NTM: variants seen among roughly 807,000 people sequenced by gnomAD.
NTM encodes the protein neurotrimin.
In NTM, 13 loss-of-function variants were observed where a neutral mutation model predicts 42.1. The ratio of observed to expected loss-of-function variants is 0.31; its 90% confidence interval spans 0.20 to 0.49. NTM has a LOEUF of 0.49. Among genes scored for constraint, NTM ranks in the 20% least tolerant of loss-of-function variants. NTM has a pLI of 0.99. For synonymous variants in NTM, 187 were observed against 179.2 expected (o/e 1.04, Z -0.35); for missense variants, 373 against 452.8 (o/e 0.82, Z 1.60).
intron 2 of NTM, among the ~76,000 whole-genome samples, chr11:132,135,651 G>T (rs2067754268): frequency 6.6e-6 from 1 of 152,216 alleles, no homozygotes; most frequent in African/African-American, 2.4e-5. Flanking sequence ...CAAACCCTAG[G>T]CACTTGTGGC....
chr11:132,088,218 A>C (rs779132944), intron 2 of NTM, among the ~76,000 whole-genome samples: 19 of 152,214 alleles, frequency 1.2e-4, no homozygotes, highest in Non-Finnish European at 2.5e-4. Flanking sequence ...GATTGAGGCC[A>C]ACATTCCCGA....
intron 2 of NTM, among the ~76,000 whole-genome samples, chr11:132,066,429 A>G (rs1279171413): frequency 3.9e-5 from 6 of 152,138 alleles, no homozygotes; most frequent in Non-Finnish European, 7.4e-5. Flanking sequence ...TGACTTTCTC[A>G]TTTTAGTTTT....
intron 2 of NTM, among the ~76,000 whole-genome samples, chr11:132,117,047 C>T (rs1020576822): frequency 6.6e-6 from 1 of 152,124 alleles, no homozygotes; most frequent in Non-Finnish European, 1.5e-5. Context: ...TCTCATCAGC[C>T]CCCAAAGTCA....
chr11:132,289,766 T>C (rs559401487), intron 4 of NTM, among the ~76,000 whole-genome samples: 99 of 152,330 alleles, frequency 6.5e-4, no homozygotes, highest in East Asian at 5.8e-3. Flanking sequence ...GCTGCTACTA[T>C]CACCACTGCT....
At position 132,003,791 on chromosome 11, in the gene NTM, G is replaced by A. The variant is rs2070013095; in HGVS notation, c.167+92143G>A. On this transcript the variant is annotated intron_variant, in intron 2 of 8. Transcript: ENST00000683400. The surrounding 1 kb of genome is among the most constrained non-coding windows in gnomAD (Gnocchi z 6.0). ...GAAATCCCTGAGCTTTACTTTTTCTGGACCTGCCACTTACAGAACCAGCTT... is the reference window on the plus strand; with the variant it reads ...GAAATCCCTGAGCTTTACTTTTTCTAGACCTGCCACTTACAGAACCAGCTT... Among the ~76,000 whole-genome samples, 2 of 152,094 alleles carry A rather than the reference G, an allele frequency of 1.3e-5. No homozygotes were observed. The highest frequency in any genetic ancestry group is 4.8e-5 in the African/African-American group (2 of 41,422).
In NTM at chr11:132,160,126, C is replaced by T. The variant is rs145427989; in HGVS notation, c.400+13612C>T. Among the ~76,000 whole-genome samples the T allele has an allele frequency of 2.9e-3, 443 of 152,350 alleles. 1 individual carries two copies. The highest frequency in any genetic ancestry group is 9.8e-3 in the African/African-American group (406 of 41,588). On this transcript the variant is annotated intron_variant, in intron 3 of 8. Coordinates refer to ENST00000683400, the MANE Select transcript of NTM (RefSeq NM_001352005.2). ...GGCTTTGTTCCCTCACTGATACTCA[C>T]TGAGGCATGGCAGCCATTCCTTTGC...
At chr11:132,266,827 C>A (rs1190922576) in intron 4 of NTM, among the ~76,000 whole-genome samples, 1 of 151,696 alleles carries the variant, frequency 6.6e-6, no homozygotes, top group Admixed American at 6.6e-5. Flanking sequence ...TGTTTTAGAA[C>A]AAGCACATAT....
chr11:131,615,351 T>TTCTC (rs142402475), intron 1 of NTM, among the ~76,000 whole-genome samples: 41 of 150,504 alleles, frequency 2.7e-4, no homozygotes, highest in Non-Finnish European at 5.0e-4. Flanking sequence ...TCATAGCAAG[T>TTCTC]TCTCTCTCTC....
chr11:132,226,979 T>C (rs1272645681), intron 4 of NTM, among the ~76,000 whole-genome samples: 1 of 152,186 alleles, frequency 6.6e-6, no homozygotes, highest in African/African-American at 2.4e-5. Context: ...GTCCTTTAGA[T>C]ATACAAATGA....
chr11:131,928,982 GT>G (rs2058278446), intron 2 of NTM, among the ~76,000 whole-genome samples: 1 of 152,142 alleles, frequency 6.6e-6, no homozygotes, highest in Non-Finnish European at 1.5e-5. Flanking sequence ...ATAGTGTGTA[GT>G]TTAGAATCAT....
intron 1 of NTM, among the ~76,000 whole-genome samples, chr11:131,611,651 G>T (rs1162640078): frequency 6.6e-6 from 1 of 152,208 alleles, no homozygotes; most frequent in African/African-American, 2.4e-5. Flanking sequence ...GCAAGGAACT[G>T]CAGCTAGAAG....
In NTM at chr11:132,181,989, T is replaced by C. The variant is rs868809745; in HGVS notation, c.401-30033T>C. ...ATTATTATTATTATTATTATTATTA[T>C]TATTTTAATCTAGGAAGGGTGTTCC... On this transcript the variant is annotated intron_variant, in intron 3 of 8. Transcript: ENST00000683400. Among the ~76,000 whole-genome samples, 217 of 148,596 alleles carry C rather than the reference T, an allele frequency of 1.5e-3. 1 individual carries two copies. The highest frequency in any genetic ancestry group is 4.9e-3 in the African/African-American group (200 of 40,796).
chr11:131,373,365 T>G (rs1022907240), intron 1 of NTM, among the ~76,000 whole-genome samples: 1 of 152,154 alleles, frequency 6.6e-6, no homozygotes, highest in Non-Finnish European at 1.5e-5. Context: ...GAGCTGCTGC[T>G]TCCTGTGCCT....
intron 1 of NTM, among the ~76,000 whole-genome samples, chr11:131,820,387 A>G (rs2093135248): frequency 6.6e-6 from 1 of 152,316 alleles, no homozygotes; most frequent in African/African-American, 2.4e-5. Context: ...GGAATCACGC[A>G]TTCCCATATC....
At chr11:132,313,158 C>G (rs1294971643) in intron 6 of NTM, among the ~76,000 whole-genome samples, 1 of 126,012 alleles carries the variant, frequency 7.9e-6, no homozygotes, top group African/African-American at 2.7e-5. Context: ...GACAAAGCAG[C>G]TGCACTCTAT....
At chr11:131,423,413 C>T (rs980087802) in intron 1 of NTM, among the ~76,000 whole-genome samples, 4 of 152,192 alleles carry the variant, frequency 2.6e-5, no homozygotes, top group Non-Finnish European at 5.9e-5. Flanking sequence ...AAAGATTCAG[C>T]ACCCCCAAAC....
At chr11:131,659,445 G>A (rs542716605) in intron 1 of NTM, among the ~76,000 whole-genome samples, 1 of 152,256 alleles carries the variant, frequency 6.6e-6, no homozygotes, top group African/African-American at 2.4e-5. Flanking sequence ...TGTATGCTGA[G>A]CCCTCAGCCC....
intron 1 of NTM, among the ~76,000 whole-genome samples, chr11:131,803,302 G>T (rs1486203840): frequency 6.8e-6 from 1 of 147,224 alleles, no homozygotes. Flanking sequence ...TTGGGAGTGG[G>T]TTTTTTTTTT....
At chr11:132,124,642 G>A (rs1050827281) in intron 2 of NTM, among the ~76,000 whole-genome samples, 1 of 152,162 alleles carries the variant, frequency 6.6e-6, no homozygotes, top group South Asian at 2.1e-4. Flanking sequence ...CGCGCAGGGC[G>A]GGGTTGCTTG....
Sources: gnomAD v4.1 joint callset for allele counts (sites outside exome capture counted in the v4.1 genomes callset) on GRCh38, gnomAD v4.1.1 for gene constraint, Gnocchi (gnomAD v3.1) non-coding constraint, MANE v1.5 for transcripts, NCBI Gene and HGNC (gene_info 2026-07-23, HGNC 2026-07-21) for gene names.